Variants in CAPN8 observed in about 807,000 individuals in gnomAD.
CAPN8 encodes calpain-8.
A neutral mutation model predicts 80.9 loss-of-function variants in CAPN8; 87 were observed. That is an observed-to-expected ratio of 1.07 (90% CI 0.90 to 1.28). The LOEUF (loss-of-function observed/expected upper bound fraction) is 1.28, where lower values mean the gene tolerates loss of function less well. Among genes scored for constraint, CAPN8 ranks in the 50% most tolerant of loss-of-function variants. CAPN8 has a pLI of 0.00. For missense variants in CAPN8, 757 were observed against 702.0 expected (o/e 1.08, Z -0.89); for synonymous variants, 299 against 273.8 (o/e 1.09, Z -0.91).
chr1:223,619,743 T>A (rs1230020025), intron 8 of CAPN8, among the ~76,000 whole-genome samples: 1 of 152,218 alleles, frequency 6.6e-6, no homozygotes, highest in East Asian at 1.9e-4. Context: ...CAACAAAGCC[T>A]CTGCCTCTAG....
intron 1 of CAPN8, among the ~76,000 whole-genome samples, chr1:223,664,366 G>A (rs766385788): frequency 6.6e-6 from 1 of 152,214 alleles, no homozygotes; most frequent in Non-Finnish European, 1.5e-5. Context: ...CCAGCACTGA[G>A]TTGTTCCATT....
In CAPN8 at chr1:223,651,403, C is replaced by G. The variant is rs1416875471; in HGVS notation, c.307+2927G>C. 2.0e-5 allele frequency among the ~76,000 whole-genome samples: 3 copies of G among 152,326 alleles called. No individual in the cohort carries two copies. The East Asian group carries it at 5.8e-4, about 29-fold the overall frequency. Reference sequence around the variant, plus strand: ...GAAAAATTACTTGAAACAATTGGATCCTTGGCATTCAGCTTCCTCAATCTT... The same window carrying G: ...GAAAAATTACTTGAAACAATTGGATGCTTGGCATTCAGCTTCCTCAATCTT... On this transcript the variant is annotated intron_variant, in intron 2 of 20. Transcript: ENST00000366872.
At chr1:223,627,610 G>A (rs376959411) in intron 4 of CAPN8, among the ~76,000 whole-genome samples, 6 of 152,206 alleles carry the variant, frequency 3.9e-5, no homozygotes, top group African/African-American at 1.2e-4. Context: ...ATCAAACGCT[G>A]GTGAGAAGAA....
intron 1 of CAPN8, among the ~76,000 whole-genome samples, chr1:223,660,170 G>A (rs1658607521): frequency 6.6e-6 from 1 of 152,166 alleles, no homozygotes; most frequent in Admixed American, 6.5e-5. Flanking sequence ...TTATGCAGCT[G>A]ACATCACTTC....
intron 14 of CAPN8, 112 bp from the exon 15 acceptor site, chr1:223,551,129 G>C: frequency 1.6e-6 from 1 of 638,850 alleles, no homozygotes; most frequent in South Asian, 1.8e-5. Flanking sequence ...CTGGCCCTGT[G>C]AGGTTTATTT....
intron 2 of CAPN8, among the ~76,000 whole-genome samples, chr1:223,645,297 T>G (rs1036475998): frequency 6.6e-6 from 1 of 152,160 alleles, no homozygotes; most frequent in Non-Finnish European, 1.5e-5. Context: ...CCCACCCAGA[T>G]TGAGGGTGGG....
At chr1:223,549,587 A>G (rs1436133351) in intron 15 of CAPN8, 1 of 766,136 alleles carries the variant, frequency 1.3e-6, no homozygotes, top group Non-Finnish European at 2.2e-6. Flanking sequence ...ACAGACAAGC[A>G]CCAGCATCCA....
chr1:223,543,261 C>A, intron 19 of CAPN8, 95 bp from the exon 20 acceptor site: 1 of 1,402,056 alleles, frequency 7.1e-7, no homozygotes, highest in Non-Finnish European at 9.8e-7. Context: ...TCCCCACCTG[C>A]GGAACTCTCC....
intron 9 of CAPN8, chr1:223,616,833 G>A (rs1371306344): frequency 6.6e-6 from 1 of 152,230 alleles, no homozygotes; most frequent in African/African-American, 2.4e-5. Context: ...ATTTAATAAT[G>A]CATGAGGAAT....
intron 13 of CAPN8, among the ~76,000 whole-genome samples, chr1:223,554,500 G>GTCCC (rs1217416500): frequency 2.7e-4 from 41 of 152,136 alleles, no homozygotes; most frequent in African/African-American, 8.9e-4. Context: ...CACGCCTGTA[G>GTCCC]TCCCATCTAC....
intron 16 of CAPN8, 36 bp downstream of exon 16, chr1:223,549,282 T>TA (rs34630115): frequency 4.0e-3 from 5,607 of 1,403,830 alleles, no homozygotes; most frequent in Middle Eastern, 5.5e-3. Flanking sequence ...CGGACGAAAG[T>TA]AAAAAAAAAA....
intron 5 of CAPN8, among the ~76,000 whole-genome samples, 189 bp from the exon 6 acceptor site, chr1:223,626,077 T>C (rs1657568093): frequency 6.6e-6 from 1 of 152,160 alleles, no homozygotes; most frequent in African/African-American, 2.4e-5. Flanking sequence ...AGGCCTGTAG[T>C]TCCGGGCCAG....
At chr1:223,664,934 T>A (rs1658745257) in intron 1 of CAPN8, among the ~76,000 whole-genome samples, 1 of 150,978 alleles carries the variant, frequency 6.6e-6, no homozygotes, top group South Asian at 2.1e-4. Context: ...AGTGAGACTC[T>A]GCCTCAAAAA....
At chr1:223,638,080 T>C (rs959990800) in intron 2 of CAPN8, among the ~76,000 whole-genome samples, 3 of 152,272 alleles carry the variant, frequency 2.0e-5, no homozygotes, top group Non-Finnish European at 4.4e-5. Context: ...GTTGAAAATA[T>C]TTGAAAAAAA....
At chr1:223,609,120 A>G in intron 12 of CAPN8, 33 bp downstream of exon 12, 1 of 398,182 alleles carries the variant, frequency 2.5e-6, no homozygotes, top group Non-Finnish European at 4.4e-6. Flanking sequence ...CCCACAGACA[A>G]CTGTTCCCCA....
intron 9 of CAPN8, among the ~76,000 whole-genome samples, chr1:223,618,962 G>A (rs976598439): frequency 3.3e-5 from 5 of 152,206 alleles, no homozygotes; most frequent in Admixed American, 3.3e-4. Flanking sequence ...GGCCAAGGTG[G>A]GTGGATCACT....
At chr1:223,543,007 A>C in intron 20 of CAPN8, 101 bp downstream of exon 20, 1 of 1,345,000 alleles carries the variant, frequency 7.4e-7, no homozygotes, top group Non-Finnish European at 1.0e-6. Context: ...TTCACATGGA[A>C]CTAAGACAGC....
chr1:223,551,458 A>G (rs1167065819), intron 14 of CAPN8, among the ~76,000 whole-genome samples: 1 of 152,202 alleles, frequency 6.6e-6, no homozygotes, highest in African/African-American at 2.4e-5. Context: ...TGATTTTAAA[A>G]GCAGGTGGCA....
intron 9 of CAPN8, among the ~76,000 whole-genome samples, chr1:223,616,522 T>C (rs1156418623): frequency 6.6e-6 from 1 of 152,178 alleles, no homozygotes; most frequent in Non-Finnish European, 1.5e-5. Flanking sequence ...ACTTGACATG[T>C]GAAGGCAAAC....
Sources: allele counts gnomAD v4.1 joint callset (sites outside exome capture counted in the v4.1 genomes callset), GRCh38; gene constraint gnomAD v4.1.1; transcripts MANE v1.5; gene names NCBI Gene and HGNC (gene_info 2026-07-23, HGNC 2026-07-21).